Variants in RGPD1 observed in about 807,000 individuals in gnomAD.
RGPD1 encodes the protein RANBP2-like and GRIP domain-containing protein 1.
A neutral mutation model predicts 40.6 loss-of-function variants in RGPD1; 7 were observed. That is an observed-to-expected ratio of 0.17 (90% confidence interval 0.10 to 0.32). The LOEUF (loss-of-function observed/expected upper bound fraction) is 0.32. Ranked by LOEUF, RGPD1 falls within the 10% of genes least tolerant of loss-of-function variation. The probability of loss-of-function intolerance (pLI) is 1.00; values close to 1 mark genes in which losing one functional copy is unlikely to be tolerated. For synonymous variants in RGPD1, 24 were observed against 167.0 expected, an observed-to-expected ratio of 0.14 and a Z score of 6.60; for missense variants, 50 against 472.5, an observed-to-expected ratio of 0.11 and a Z score of 8.29.
intron 1 of RGPD1, among the ~76,000 whole-genome samples, chr2:86,928,901 AAAG>A (rs1388239462): frequency 6.6e-5 from 10 of 151,852 alleles, no homozygotes; most frequent in Admixed American, 2.0e-4. Context: ...AGGGAGGAGA[AAAG>A]AAGGGATAGT....
At chr2:86,945,060 T>C (rs567463369) in intron 1 of RGPD1, among the ~76,000 whole-genome samples, 170 of 151,594 alleles carry the variant, frequency 1.1e-3, no homozygotes, top group Non-Finnish European at 2.1e-3. Flanking sequence ...AAAAAGCATG[T>C]TTAGAGCCTT....
chr2:86,943,969 G>A (rs148200410), intron 1 of RGPD1, among the ~76,000 whole-genome samples: 13 of 151,756 alleles, frequency 8.6e-5, no homozygotes, highest in East Asian at 3.9e-4. Context: ...AGCCGAGGTC[G>A]CGCTACTGCA....
chr2:86,945,648 C>T (rs1208322755), intron 1 of RGPD1, among the ~76,000 whole-genome samples: 1 of 152,142 alleles, frequency 6.6e-6, no homozygotes, highest in Admixed American at 6.6e-5. Flanking sequence ...TATTCTTCGT[C>T]TGTAATCCAA....
chr2:86,924,527 G>A (rs1678317339), intron 1 of RGPD1, among the ~76,000 whole-genome samples: 1 of 150,578 alleles, frequency 6.6e-6, no homozygotes, highest in African/African-American at 2.4e-5. Flanking sequence ...CTGCAGTGAT[G>A]CTATCGTAGT....
At chr2:86,944,531 T>A (rs1345935294) in intron 1 of RGPD1, among the ~76,000 whole-genome samples, 1 of 151,670 alleles carries the variant, frequency 6.6e-6, no homozygotes, top group Non-Finnish European at 1.5e-5. Flanking sequence ...GTCTCCCGAG[T>A]AGTTGGGACC....
At chr2:86,941,412 G>T (rs573954749), upstream of RGPD1, among the ~76,000 whole-genome samples, 2 of 148,702 alleles carry the variant, frequency 1.3e-5, no homozygotes, top group African/African-American at 5.0e-5. Context: ...TTTGAGACAA[G>T]TGTCTCACTC....
intron 1 of RGPD1, among the ~76,000 whole-genome samples, chr2:86,931,729 CTAAA>C (rs1678980446): frequency 6.6e-6 from 1 of 151,240 alleles, no homozygotes; most frequent in Non-Finnish European, 1.5e-5. Context: ...CAAGTAGTTT[CTAAA>C]GAGAGTAAAC....
rs1224641209 is a variant in RGPD1 at position 86,960,446 on chromosome 2, C to T, written c.779+2019C>T. On this transcript the variant is annotated intron_variant, in intron 6 of 22. Coordinates refer to ENST00000641458, the MANE Select transcript of RGPD1 (RefSeq NM_001382344.1). ...GTCACCCTGTTAGCCAGGATGGTCT[C>T]GATCTCCTGACCTCGTGATCTGCCC... Among the ~76,000 whole-genome samples the T allele has an allele frequency of 1.8e-3, 129 of 72,246 alleles. 7 individuals are homozygous for T. Among genetic ancestry groups the T allele is most frequent in the South Asian group, 7.3e-3 (15 of 2,066 alleles). 47.4% of individuals were successfully genotyped at this position (72,246 alleles called of 152,430 possible). A position where few individuals can be genotyped will look rare whatever the true frequency, so the allele number is the denominator to read the frequency against.
rs1682269068 is a variant in RGPD1, at chr2:87,013,398, A to G, written c.*851A>G. 14 of 139,358 alleles carry G rather than the reference A, an allele frequency of 1.0e-4. No individual in the cohort carries two copies. The South Asian group carries it at 1.4e-3, about 14-fold the overall frequency. 8.6% of individuals were successfully genotyped at this position (139,358 alleles called of 1,614,324 possible). On this transcript the variant is annotated 3_prime_UTR_variant, in exon 23 of 23. Transcript: ENST00000641458. The stretch of plus-strand genomic sequence containing the variant: ...CAGTGCAGCCAGAGGCTTGGCCATC[A>G]TAGAGCTCACATTCTAGTGGAATCA...
chr2:86,943,961 C>A (rs1490991572), intron 1 of RGPD1, among the ~76,000 whole-genome samples: 1 of 151,862 alleles, frequency 6.6e-6, no homozygotes, highest in African/African-American at 2.4e-5. Context: ...TTCCAGTGAG[C>A]CGAGGTCGCG....
At chr2:86,931,457 G>A (rs1385331800) in intron 1 of RGPD1, among the ~76,000 whole-genome samples, 1 of 150,924 alleles carries the variant, frequency 6.6e-6, no homozygotes, top group East Asian at 2.0e-4. Context: ...TTGGGTGGTT[G>A]GGTTCTGGGA....
chr2:86,964,104 A>T (rs1373282565), intron 7 of RGPD1, among the ~76,000 whole-genome samples: 3 of 83,762 alleles, frequency 3.6e-5, no homozygotes, highest in East Asian at 3.9e-4. Context: ...GTGCAGTGGC[A>T]CGATCTCGGC....
intron 1 of RGPD1, chr2:86,930,611 G>T (rs1243596950): frequency 1.7e-5 from 27 of 1,611,530 alleles, no homozygotes; most frequent in Non-Finnish European, 2.2e-5. Context: ...AGGTGCAGCA[G>T]CCAGTCTCCC....
intron 1 of RGPD1, 70 bp downstream of exon 1, chr2:86,942,378 GGCCTCGACCTGGCCGGGCGGC>G: frequency 7.1e-7 from 1 of 1,416,024 alleles, no homozygotes; most frequent in African/African-American, 1.5e-5. Context: ...GCCGGGCGGC[GGCCTCGACCTGGCCGGGCGGC>G]GGCCTCGATG....
At chr2:86,947,561 C>A (rs1459644355) in intron 1 of RGPD1, among the ~76,000 whole-genome samples, 1 of 108,664 alleles carries the variant, frequency 9.2e-6, no homozygotes, top group Admixed American at 9.0e-5. Context: ...TTGGGAAACT[C>A]ATTTCTTTCA....
intron 1 of RGPD1, among the ~76,000 whole-genome samples, chr2:86,914,498 T>G (rs987847204): frequency 6.9e-3 from 10 of 1,446 alleles, no homozygotes; most frequent in African/African-American, 0.045. Flanking sequence ...CTGGCCGGGC[T>G]GCGGCGGCGG....
intron 1 of RGPD1, among the ~76,000 whole-genome samples, chr2:86,944,029 C>CA (rs1193479925): frequency 1.3e-5 from 2 of 151,658 alleles, no homozygotes; most frequent in African/African-American, 4.8e-5. Context: ...AAAAAAAAAC[C>CA]AAAAAACGGA....
chr2:86,932,238 TCA>T (rs1165040603), intron 1 of RGPD1, among the ~76,000 whole-genome samples: 1 of 108,992 alleles, frequency 9.2e-6, no homozygotes, highest in Non-Finnish European at 1.8e-5. Context: ...TATTACTGAA[TCA>T]CAGACAATTT....
At chr2:86,913,755 G>A (rs554832921), upstream of RGPD1, 343 of 1,389,326 alleles carry the variant, frequency 2.5e-4, 20 homozygotes, top group South Asian at 3.8e-3. Flanking sequence ...CGCCGGCTAC[G>A]TCAGTGGCTT....
Sources: gnomAD v4.1 joint callset for allele counts (sites outside exome capture counted in the v4.1 genomes callset) on GRCh38, gnomAD v4.1.1 for gene constraint, MANE v1.5 for transcripts, NCBI Gene and HGNC (gene_info 2026-07-23, HGNC 2026-07-21) for gene names.